Variants in LRRC4C observed in about 807,000 individuals in gnomAD.
LRRC4C encodes the protein leucine-rich repeat-containing protein 4C.
In LRRC4C, 5 loss-of-function variants were observed where a neutral mutation model predicts 33.6. The observed-to-expected ratio is 0.15, with a 90% CI of 0.08 to 0.31. The LOEUF is 0.31. Ranked by LOEUF, LRRC4C falls within the 10% of genes least tolerant of loss-of-function variation. The pLI, the probability that LRRC4C is intolerant of heterozygous loss-of-function variation, is 1.00. For synonymous variants in LRRC4C, 329 were observed against 302.0 expected (o/e 1.09, Z -0.93); for missense variants, 560 against 796.7 (o/e 0.70, Z 3.58).
chr11:41,114,981 C>T (rs1220238897), intron 1 of LRRC4C, among the ~76,000 whole-genome samples: 3 of 151,906 alleles, frequency 2.0e-5, no homozygotes, highest in Admixed American at 6.6e-5. Flanking sequence ...TAGATGAGGG[C>T]CGGGATAAAA....
chr11:41,101,387 G>A (rs368834688), intron 1 of LRRC4C, among the ~76,000 whole-genome samples: 18 of 152,114 alleles, frequency 1.2e-4, no homozygotes, highest in Admixed American at 2.6e-4. Context: ...GGCAACAAGC[G>A]TATGAAAAAA....
At chr11:40,139,745 T>C (rs2134955206) in intron 6 of LRRC4C, among the ~76,000 whole-genome samples, 1 of 152,336 alleles carries the variant, frequency 6.6e-6, no homozygotes, top group Admixed American at 6.5e-5. Flanking sequence ...GAGCAATGAA[T>C]AGGTCTCTGG....
intron 1 of LRRC4C, among the ~76,000 whole-genome samples, chr11:41,394,286 T>C (rs1506717): frequency 0.29 from 44,035 of 151,796 alleles, 6,772 homozygotes; most frequent in Admixed American, 0.38. Context: ...ATCTACAAAA[T>C]GGACTCTTCC....
At chr11:40,951,578 A>G (rs1201207159) in intron 1 of LRRC4C, among the ~76,000 whole-genome samples, 2 of 152,026 alleles carry the variant, frequency 1.3e-5, no homozygotes, top group Non-Finnish European at 2.9e-5. Flanking sequence ...AGAAAAATTA[A>G]TATGTTGGCA....
At chr11:41,168,704 A>T (rs1247021224) in intron 1 of LRRC4C, among the ~76,000 whole-genome samples, 4 of 152,338 alleles carry the variant, frequency 2.6e-5, no homozygotes, top group Non-Finnish European at 4.4e-5. Flanking sequence ...AATTAAAGTG[A>T]TTAAATAAAT....
intron 2 of LRRC4C, among the ~76,000 whole-genome samples, chr11:40,850,073 A>G (rs1488097377): frequency 6.6e-6 from 1 of 151,984 alleles, no homozygotes; most frequent in East Asian, 2.0e-4. Context: ...TTGGGTTAGA[A>G]CATGCTCCTT....
chr11:41,360,982 T>C (rs1271417612), intron 1 of LRRC4C, among the ~76,000 whole-genome samples: 1 of 152,242 alleles, frequency 6.6e-6, no homozygotes, highest in African/African-American at 2.4e-5. Flanking sequence ...GATACTACAA[T>C]CAATCATATT....
intron 2 of LRRC4C, among the ~76,000 whole-genome samples, chr11:40,712,639 C>T (rs1035822807): frequency 1.2e-4 from 18 of 151,994 alleles, no homozygotes; most frequent in Non-Finnish European, 2.5e-4. Flanking sequence ...GTGAAAAATA[C>T]AAATGTAATT....
chr11:40,561,837 G>A lies in LRRC4C; in HGVS notation c.-270+86305C>T, dbSNP rs146067445. ...ATTGATTGAAACTAAATAGTTGTTT[G>A]GTGGCCATTAGTTGGAATTTTCTTC... is the stretch of plus-strand genomic sequence containing the variant. On this transcript the variant is annotated intron_variant, in intron 3 of 6. Transcript: ENST00000528697. Among the ~76,000 whole-genome samples the A allele has an allele frequency of 5.6e-3, 859 of 152,248 alleles. 4 individuals are homozygous for A. The highest frequency in any genetic ancestry group is 8.5e-3 in the Non-Finnish European group (578 of 68,020).
chr11:41,210,070 C>A (rs1946760108), intron 1 of LRRC4C, among the ~76,000 whole-genome samples: 1 of 152,152 alleles, frequency 6.6e-6, no homozygotes, highest in Non-Finnish European at 1.5e-5. Context: ...TTGAAACCAA[C>A]CCTGTTGGCA....
chr11:41,233,350 T>C (rs964726857), intron 1 of LRRC4C, among the ~76,000 whole-genome samples: 2 of 151,994 alleles, frequency 1.3e-5, no homozygotes, highest in African/African-American at 2.4e-5. Flanking sequence ...ATATTACTTA[T>C]AATATTACAA....
At chr11:40,802,572 T>C (rs1221614966) in intron 2 of LRRC4C, among the ~76,000 whole-genome samples, 1 of 152,086 alleles carries the variant, frequency 6.6e-6, no homozygotes, top group Non-Finnish European at 1.5e-5. Context: ...AGAAAGCCAT[T>C]ATTTCTTTAA....
At chr11:41,252,783 G>A (rs1320406107) in intron 1 of LRRC4C, among the ~76,000 whole-genome samples, 1 of 152,120 alleles carries the variant, frequency 6.6e-6, no homozygotes, top group Non-Finnish European at 1.5e-5. Flanking sequence ...AGGTGAACGA[G>A]GAGCAAAGTC....
At chr11:40,184,338 T>C (rs1383584030) in intron 5 of LRRC4C, among the ~76,000 whole-genome samples, 1 of 152,208 alleles carries the variant, frequency 6.6e-6, no homozygotes, top group Non-Finnish European at 1.5e-5. Flanking sequence ...CAAATAAGTC[T>C]CCTTCTAATA....
intron 3 of LRRC4C, among the ~76,000 whole-genome samples, chr11:40,600,878 C>T (rs551356003): frequency 3.2e-3 from 40 of 12,376 alleles, no homozygotes; most frequent in African/African-American, 3.5e-3. Flanking sequence ...TATACATATC[C>T]CCATAAATAT....
chr11:40,197,780 A>C (rs1471320993), intron 5 of LRRC4C, among the ~76,000 whole-genome samples: 1 of 152,224 alleles, frequency 6.6e-6, no homozygotes, highest in Admixed American at 6.5e-5. Context: ...CAACATTTCA[A>C]GTGTCAGGGG....
chr11:40,401,377 T>C lies in LRRC4C; in HGVS notation c.-269-81656A>G, dbSNP rs1194231943. ...ATATAGACAAAGCAGTCTGTCATCC[T>C]GCGTTTACTCTGAATTCACTAATAG... On this transcript the variant is annotated intron_variant, in intron 3 of 6. Coordinates refer to ENST00000528697, the MANE Select transcript of LRRC4C (RefSeq NM_001258419.2). 2.0e-5 allele frequency among the ~76,000 whole-genome samples: 3 copies of C among 152,056 alleles called. No homozygotes were observed. In the East Asian group the frequency reaches 5.8e-4, roughly 29 times the overall value.
chr11:41,263,761 C>G (rs762259277), intron 1 of LRRC4C, among the ~76,000 whole-genome samples: 2 of 151,876 alleles, frequency 1.3e-5, no homozygotes, highest in Non-Finnish European at 2.9e-5. Flanking sequence ...TGACTGAGAC[C>G]AAGCACAGTG....
chr11:40,735,408 G>A (rs1487977280), intron 2 of LRRC4C, among the ~76,000 whole-genome samples: 7 of 144,176 alleles, frequency 4.9e-5, no homozygotes, highest in Middle Eastern at 3.6e-3. Context: ...GAGAACATGT[G>A]GTGTTTGGTT....
Sources: gnomAD v4.1 joint callset for allele counts (sites outside exome capture counted in the v4.1 genomes callset) on GRCh38, gnomAD v4.1.1 for gene constraint, MANE v1.5 for transcripts, NCBI Gene and HGNC (gene_info 2026-07-23, HGNC 2026-07-21) for gene names.